The following MRTFB variants were observed in gnomAD, a reference collection of about 807,000 sequenced individuals.
MRTFB encodes the protein myocardin related transcription factor B.
Under a neutral mutation model 104.2 loss-of-function variants are expected in MRTFB, and 29 were observed. That is an observed-to-expected ratio of 0.28 (90% CI 0.21 to 0.38). The LOEUF is 0.38. MRTFB is among the 10% of genes least tolerant of loss of function. The pLI, the probability that MRTFB is intolerant of heterozygous loss-of-function variation, is 1.00. For synonymous variants in MRTFB, 535 were observed against 519.5 expected (o/e 1.03, Z -0.41); for missense variants, 1,270 against 1,341.6 (o/e 0.95, Z 0.83).
chr16:14,184,201 C>A (rs1215244125), intron 3 of MRTFB, among the ~76,000 whole-genome samples: 3 of 150,770 alleles, frequency 2.0e-5, no homozygotes, highest in Non-Finnish European at 4.4e-5. Context: ...ATGAGATATG[C>A]CACCTCTGAC....
At chr16:14,119,611 A>AT (rs908178396) in intron 2 of MRTFB, among the ~76,000 whole-genome samples, 1 of 152,084 alleles carries the variant, frequency 6.6e-6, no homozygotes, top group African/African-American at 2.4e-5. Flanking sequence ...ACTTCAGATA[A>AT]TTTTTTTGTA....
the MRTFB span, among the ~76,000 whole-genome samples, chr16:14,008,697 T>C: frequency 6.6e-6 from 1 of 152,170 alleles, no homozygotes; most frequent in South Asian, 2.1e-4. Flanking sequence ...TTAGGATTGG[T>C]TTGTTAACTT....
chr16:14,097,835 T>C (rs562649952), intron 2 of MRTFB, among the ~76,000 whole-genome samples: 2 of 152,360 alleles, frequency 1.3e-5, no homozygotes, highest in South Asian at 2.1e-4. Flanking sequence ...TCATGTTGTA[T>C]GTACTCTTCT....
intron 3 of MRTFB, among the ~76,000 whole-genome samples, chr16:14,179,426 C>T (rs1337555336): frequency 2.0e-5 from 3 of 152,212 alleles, no homozygotes; most frequent in Non-Finnish European, 4.4e-5. Flanking sequence ...TTATAAAATA[C>T]TCATCCAGGT....
chr16:14,014,251 T>A, the MRTFB span, among the ~76,000 whole-genome samples: 3 of 152,152 alleles, frequency 2.0e-5, no homozygotes, highest in Non-Finnish European at 2.9e-5. Flanking sequence ...CCTGATAATA[T>A]CAAGAGTCTC....
chr16:14,243,383 C>T (rs1331532075), intron 10 of MRTFB, among the ~76,000 whole-genome samples: 1 of 152,226 alleles, frequency 6.6e-6, no homozygotes, highest in Non-Finnish European at 1.5e-5. Flanking sequence ...CTATGGCTGT[C>T]ACCCCGTAGG....
At chr16:14,029,447 C>T in the MRTFB span, among the ~76,000 whole-genome samples, 11 of 102,476 alleles carry the variant, frequency 1.1e-4, no homozygotes, top group East Asian at 5.5e-4. Context: ...TATATATATA[C>T]ACACACACAC....
the MRTFB span, among the ~76,000 whole-genome samples, chr16:14,021,798 A>G: frequency 5.3e-5 from 8 of 152,160 alleles, no homozygotes; most frequent in Admixed American, 2.0e-4. Context: ...TATATACCAC[A>G]GTTTCTTTAT....
the MRTFB span, among the ~76,000 whole-genome samples, chr16:14,065,689 A>G: frequency 6.6e-6 from 1 of 152,092 alleles, no homozygotes; most frequent in Non-Finnish European, 1.5e-5. Flanking sequence ...AGGCTGTAGC[A>G]TGCTATAATC....
At chr16:14,183,019 A>G (rs1039372794) in intron 3 of MRTFB, among the ~76,000 whole-genome samples, 3 of 152,184 alleles carry the variant, frequency 2.0e-5, no homozygotes, top group African/African-American at 4.8e-5. Context: ...AATTTAGCCA[A>G]ACACACCAAT....
intron 13 of MRTFB, among the ~76,000 whole-genome samples, chr16:14,251,487 T>C (rs1359148582): frequency 6.6e-6 from 1 of 152,056 alleles, no homozygotes; most frequent in Non-Finnish European, 1.5e-5. Context: ...GCAAGCACTG[T>C]TTTTCCACAA....
intron 2 of MRTFB, among the ~76,000 whole-genome samples, chr16:14,084,878 CT>C (rs2034606765): frequency 6.6e-6 from 1 of 152,128 alleles, no homozygotes; most frequent in Non-Finnish European, 1.5e-5. Context: ...ATGGTTTGTT[CT>C]TTAACTTAAT....
chr16:14,098,357 C>T lies in MRTFB; in HGVS notation c.-64+19003C>T, dbSNP rs1327245663. Among the ~76,000 whole-genome samples, 8 of 152,076 alleles carry T rather than the reference C, an allele frequency of 5.3e-5. No homozygotes were observed. In the South Asian group the frequency reaches 1.2e-3, roughly 24 times the overall value. The stretch of plus-strand genomic sequence containing the variant: ...ATGGAGTTGAGCATATTTTCATGTA[C>T]TTATTTGCCAATAGTTGGTAAAGTA... On this transcript the variant is annotated intron_variant, in intron 2 of 16. Coordinates refer to ENST00000571589, the MANE Select transcript of MRTFB (RefSeq NM_001308142.2).
chr16:14,169,380 T>C (rs1048963127), intron 3 of MRTFB, among the ~76,000 whole-genome samples: 2 of 152,244 alleles, frequency 1.3e-5, no homozygotes, highest in Non-Finnish European at 2.9e-5. Flanking sequence ...TCAGTCCCAC[T>C]CAGGTCCGAT....
At chr16:14,200,449 C>G (rs1213487020) in intron 3 of MRTFB, 3 of 1,610,046 alleles carry the variant, frequency 1.9e-6, no homozygotes, top group Non-Finnish European at 2.5e-6. Context: ...AAGTCAAAAT[C>G]AGACATCCAG....
At chr16:14,131,123 T>A (rs908904071) in intron 2 of MRTFB, among the ~76,000 whole-genome samples, 9 of 152,200 alleles carry the variant, frequency 5.9e-5, no homozygotes, top group African/African-American at 2.2e-4. Context: ...GTTCATATAA[T>A]TTATTAGTGA....
At chr16:14,043,287 CT>C in the MRTFB span, among the ~76,000 whole-genome samples, 1 of 152,154 alleles carries the variant, frequency 6.6e-6, no homozygotes, top group Non-Finnish European at 1.5e-5. Context: ...CCCATTCTTT[CT>C]GCCAGAAGCA....
chr16:14,115,487 G>A (rs940045895), intron 2 of MRTFB, among the ~76,000 whole-genome samples: 1 of 152,096 alleles, frequency 6.6e-6, no homozygotes, highest in African/African-American at 2.4e-5. Flanking sequence ...CCCAATTAAT[G>A]TAGTTTGATG....
chr16:14,070,854 G>C (rs558841527), upstream of MRTFB, among the ~76,000 whole-genome samples: 2 of 152,220 alleles, frequency 1.3e-5, no homozygotes, highest in African/African-American at 2.4e-5. Context: ...GTGTGACATG[G>C]AGCCATTACT....
Sources: allele counts gnomAD v4.1 joint callset (sites outside exome capture counted in the v4.1 genomes callset), GRCh38; gene constraint gnomAD v4.1.1; transcripts MANE v1.5; gene names NCBI Gene and HGNC (gene_info 2026-07-23, HGNC 2026-07-21).